The following BMP6 variants were observed in gnomAD, a reference collection of about 807,000 sequenced individuals.
BMP6 encodes the protein bone morphogenetic protein 6, also known as VG-1-R.
A neutral mutation model predicts 54.1 loss-of-function variants in BMP6; 17 were observed. That is an observed-to-expected ratio of 0.31 (90% CI 0.22 to 0.47). The LOEUF (loss-of-function observed/expected upper bound fraction) is 0.47. Ranked by LOEUF, BMP6 falls within the 20% of genes least tolerant of loss-of-function variation. BMP6 has a pLI of 1.00. For missense variants in BMP6, 720 were observed against 690.4 expected, an observed-to-expected ratio of 1.04 and a Z score of -0.48; for synonymous variants, 328 against 291.2, an observed-to-expected ratio of 1.13 and a Z score of -1.28.
intron 4 of BMP6, among the ~76,000 whole-genome samples, chr6:7,873,008 G>A (rs967699923): frequency 2.6e-5 from 4 of 151,912 alleles, no homozygotes; most frequent in African/African-American, 9.7e-5. Context: ...CAGGGTCTGT[G>A]TTGCCCAGGC....
intron 1 of BMP6, among the ~76,000 whole-genome samples, chr6:7,802,562 G>T (rs1305989358): frequency 6.6e-6 from 1 of 152,182 alleles, no homozygotes; most frequent in Non-Finnish European, 1.5e-5. Context: ...GATTTGTGGC[G>T]GGATTGAGTG....
intron 1 of BMP6, among the ~76,000 whole-genome samples, chr6:7,807,983 C>G (rs1049369238): frequency 1.2e-4 from 18 of 144,630 alleles, no homozygotes; most frequent in Non-Finnish European, 1.6e-4. Flanking sequence ...TGCAGTGGCA[C>G]GATCTCAGCT....
At chr6:7,793,898 CTG>C (rs1055403992) in intron 1 of BMP6, among the ~76,000 whole-genome samples, 1 of 152,206 alleles carries the variant, frequency 6.6e-6, no homozygotes, top group Admixed American at 6.5e-5. Flanking sequence ...GCTGATGTGT[CTG>C]TGTTTCTGCC....
intron 2 of BMP6, among the ~76,000 whole-genome samples, chr6:7,849,899 T>C (rs1045979433): frequency 1.3e-5 from 2 of 152,250 alleles, no homozygotes; most frequent in Non-Finnish European, 2.9e-5. Flanking sequence ...CCATGTTCTA[T>C]CATGGTACAA....
chr6:7,786,555 A>G (rs1758023623), intron 1 of BMP6, among the ~76,000 whole-genome samples: 1 of 147,212 alleles, frequency 6.8e-6, no homozygotes, highest in Non-Finnish European at 1.5e-5. Context: ...CTTGCATTCT[A>G]TGCCATGACA....
chr6:7,730,913 A>G (rs1458400425), intron 1 of BMP6, among the ~76,000 whole-genome samples: 3 of 152,228 alleles, frequency 2.0e-5, no homozygotes, highest in African/African-American at 7.2e-5. Context: ...AGTATTACAT[A>G]GTTGTAAACA....
intron 1 of BMP6, among the ~76,000 whole-genome samples, chr6:7,804,112 A>C (rs976951400): frequency 1.3e-5 from 2 of 152,196 alleles, no homozygotes; most frequent in Non-Finnish European, 2.9e-5. Context: ...TGGATCTGAC[A>C]CACTAAATTG....
chr6:7,796,672 G>A (rs181110634), intron 1 of BMP6, among the ~76,000 whole-genome samples: 4 of 152,216 alleles, frequency 2.6e-5, no homozygotes, highest in Admixed American at 6.5e-5. Flanking sequence ...GAAAAAAAGC[G>A]ATACTTATAA....
At chr6:7,756,693 C>G (rs1485008736) in intron 1 of BMP6, among the ~76,000 whole-genome samples, 2 of 152,186 alleles carry the variant, frequency 1.3e-5, no homozygotes, top group Non-Finnish European at 2.9e-5. Flanking sequence ...AAGTAACTTG[C>G]AGATCAATTT....
At chr6:7,864,483 C>G (rs1475865127) in intron 4 of BMP6, among the ~76,000 whole-genome samples, 1 of 152,122 alleles carries the variant, frequency 6.6e-6, no homozygotes, top group Non-Finnish European at 1.5e-5. Context: ...CCCTGGAAAA[C>G]AAGTAAAATA....
intron 1 of BMP6, among the ~76,000 whole-genome samples, chr6:7,789,857 A>G (rs1404825651): frequency 1.3e-5 from 2 of 152,194 alleles, no homozygotes; most frequent in Admixed American, 1.3e-4. Context: ...TGTGGGACCT[A>G]GAGACAGGCA....
intron 1 of BMP6, among the ~76,000 whole-genome samples, chr6:7,802,257 G>A (rs979549053): frequency 6.6e-6 from 1 of 152,170 alleles, no homozygotes; most frequent in Non-Finnish European, 1.5e-5. Flanking sequence ...TTATATAACG[G>A]AGCCCAATGG....
At chr6:7,839,433 T>C (rs1193595234) in intron 1 of BMP6, among the ~76,000 whole-genome samples, 1 of 152,254 alleles carries the variant, frequency 6.6e-6, no homozygotes, top group African/African-American at 2.4e-5. Context: ...CTTCCCAAGC[T>C]GACTATTTGG....
At chr6:7,766,002 C>CA (rs1211908648) in intron 1 of BMP6, among the ~76,000 whole-genome samples, 1 of 152,140 alleles carries the variant, frequency 6.6e-6, no homozygotes, top group Non-Finnish European at 1.5e-5. Flanking sequence ...TTCTCCATCT[C>CA]AAAAATCTTA....
At chr6:7,823,346 G>A (rs267174) in intron 1 of BMP6, among the ~76,000 whole-genome samples, 78,279 of 151,970 alleles carry the variant, frequency 0.52, 22,027 homozygotes, top group East Asian at 0.73. Flanking sequence ...CAGATGAGTC[G>A]TTATTACCTC....
intron 1 of BMP6, among the ~76,000 whole-genome samples, chr6:7,738,468 TCCTGCAGTTGC>T (rs778769361): frequency 2.6e-5 from 4 of 152,164 alleles, no homozygotes; most frequent in Non-Finnish European, 5.9e-5. Flanking sequence ...GAACGTGGCT[TCCTGCAGTTGC>T]CAATCCATGG....
chr6:7,765,835 C>T (rs1425991091), intron 1 of BMP6, among the ~76,000 whole-genome samples: 4 of 152,242 alleles, frequency 2.6e-5, no homozygotes, highest in Non-Finnish European at 5.9e-5. Flanking sequence ...CTCGCTGTTT[C>T]CAGTTCCTAG....
At chr6:7,869,814 CTG>C (rs1430587020) in intron 4 of BMP6, among the ~76,000 whole-genome samples, 2 of 152,296 alleles carry the variant, frequency 1.3e-5, no homozygotes, top group East Asian at 3.9e-4. Flanking sequence ...ACTGAGCAGA[CTG>C]TAGGAGCTCA....
chr6:7,749,371 ATTAACTGTATCTTATT>A lies in BMP6; in HGVS notation c.664+21755_664+21770del, dbSNP rs552241013. Among the ~76,000 whole-genome samples, 8 of 152,350 alleles carry A rather than the reference ATTAACTGTATCTTATT, an allele frequency of 5.3e-5. No homozygotes were observed. The East Asian group carries it at 1.5e-3, about 29-fold the overall frequency. On this transcript the variant is annotated intron_variant, in intron 1 of 6. Transcript: ENST00000283147. ...TATCATATGGTATTTAGTATCCTAT[ATTAACTGTATCTTATT>A]TTCTTGCCCCATTTTCCCTTCATTC...
Sources: allele counts gnomAD v4.1 joint callset (sites outside exome capture counted in the v4.1 genomes callset), GRCh38; gene constraint gnomAD v4.1.1; transcripts MANE v1.5; gene names NCBI Gene and HGNC (gene_info 2026-07-23, HGNC 2026-07-21).